Variants in ERCC6L observed in about 807,000 individuals in gnomAD.
The protein encoded by ERCC6L is ERCC excision repair 6 like, spindle assembly checkpoint helicase, also known as DNA excision repair protein ERCC-6-like.
A neutral mutation model predicts 20.1 loss-of-function variants in ERCC6L; 7 were observed. The ratio of observed to expected loss-of-function variants is 0.35; its 90% CI spans 0.20 to 0.65. The LOEUF (loss-of-function observed/expected upper bound fraction) is 0.65, where lower values mean the gene tolerates loss of function less well. Ranked by LOEUF, ERCC6L falls within the 30% of genes least tolerant of loss-of-function variation. ERCC6L has a pLI of 0.69. For synonymous variants in ERCC6L, 278 were observed against 331.3 expected, an observed-to-expected ratio of 0.84 and a Z score of 1.75; for missense variants, 592 against 892.4, an observed-to-expected ratio of 0.66 and a Z score of 4.29.
chrX:72,210,643 G>C (rs767730646), intron 1 of ERCC6L, among the ~76,000 whole-genome samples: 1 of 111,341 alleles, frequency 9.0e-6, no homozygotes, highest in East Asian at 2.8e-4. Context: ...CTCTGGGCCA[G>C]AGTCCCCACT....
At chrX:72,226,664 G>A (rs1017810430) in intron 1 of ERCC6L, among the ~76,000 whole-genome samples, 4 of 111,049 alleles carry the variant, frequency 3.6e-5, no homozygotes, top group East Asian at 5.6e-4. Flanking sequence ...ATAGGAAACC[G>A]TGAGGCTGAG....
intron 1 of ERCC6L, among the ~76,000 whole-genome samples, chrX:72,217,717 A>G (rs1297249468): frequency 9.1e-6 from 1 of 110,004 alleles, no homozygotes; most frequent in Non-Finnish European, 1.9e-5. Flanking sequence ...TACTGAGCAG[A>G]AAAAAAAATA....
chrX:72,209,656 T>C (rs2042841184), intron 1 of ERCC6L, among the ~76,000 whole-genome samples: 1 of 111,456 alleles, frequency 9.0e-6, no homozygotes. Context: ...CACCATCATC[T>C]CTGGCCTGGA....
intron 1 of ERCC6L, among the ~76,000 whole-genome samples, chrX:72,233,408 T>C (rs1461397864): frequency 1.8e-5 from 2 of 111,547 alleles, no homozygotes; most frequent in Non-Finnish European, 3.8e-5. Context: ...TTGTAGACCT[T>C]CTTTGGATCC....
chrX:72,207,796 T>C lies in ERCC6L; in HGVS notation c.971A>G (p.Tyr324Cys), dbSNP rs769270474. ...SENLMAIIKPYFLRRTKEDVQ... is the reference protein window; with the variant it reads ...SENLMAIIKPCFLRRTKEDVQ... ...GTCTTCTTTAGTCCTCCTGAGAAAATAGGGTTTTATGATTGCCATTAAGTT... is the reference window on the plus strand; with the variant it reads ...GTCTTCTTTAGTCCTCCTGAGAAAACAGGGTTTTATGATTGCCATTAAGTT... Residue 324 changes from tyrosine to cysteine, a missense_variant, in exon 2 of 2, where the codon TAT becomes TGT. Tyr to Cys is a radical substitution (Grantham distance 194). Transcript: ENST00000334463. The C allele has an allele frequency of 1.7e-6, 2 of 1,209,965 alleles. No homozygotes were observed. The highest frequency in any genetic ancestry group is 1.8e-5 in the South Asian group (1 of 56,365).
intron 1 of ERCC6L, among the ~76,000 whole-genome samples, chrX:72,223,063 G>A (rs1284411340): frequency 9.5e-6 from 1 of 104,854 alleles, no homozygotes; most frequent in Admixed American, 1.0e-4. Context: ...TCAGCCGGGT[G>A]CAGTGGCTCA....
chrX:72,223,119 G>A (rs2042934193), intron 1 of ERCC6L, among the ~76,000 whole-genome samples: 1 of 99,829 alleles, frequency 1.0e-5, no homozygotes, highest in African/African-American at 3.6e-5. Flanking sequence ...GGCGGATCAC[G>A]AGGTCAAGAG....
At chrX:72,213,618 G>A (rs150911373) in intron 1 of ERCC6L, among the ~76,000 whole-genome samples, 3,862 of 112,127 alleles carry the variant, frequency 0.034, 119 homozygotes, top group African/African-American at 0.1. Flanking sequence ...TGTCCGCTGC[G>A]TTTCTGATAT....
chrX:72,219,615 A>G (rs2042910034), intron 1 of ERCC6L, among the ~76,000 whole-genome samples: 1 of 110,705 alleles, frequency 9.0e-6, no homozygotes, highest in Admixed American at 9.6e-5. Context: ...TGGGAGGCCA[A>G]GGCGGGCAGA....
At chrX:72,236,476 A>C (rs757992569) in intron 1 of ERCC6L, among the ~76,000 whole-genome samples, 40 of 110,886 alleles carry the variant, frequency 3.6e-4, no homozygotes, top group Non-Finnish European at 5.5e-4. Flanking sequence ...TTGTATTTTT[A>C]GTAGAGACGG....
At chrX:72,209,552 C>T (rs2042840534) in intron 1 of ERCC6L, among the ~76,000 whole-genome samples, 1 of 111,634 alleles carries the variant, frequency 9.0e-6, no homozygotes, top group Non-Finnish European at 1.9e-5. Context: ...TTATGCCCCA[C>T]CCCCAGGCCA....
chrX:72,213,507 T>C (rs2042868910), intron 1 of ERCC6L, among the ~76,000 whole-genome samples: 1 of 112,041 alleles, frequency 8.9e-6, no homozygotes. Context: ...CTGGTCTGTG[T>C]TTGTTACGGC....
chrX:72,213,520 G>A (rs868356119), intron 1 of ERCC6L, among the ~76,000 whole-genome samples: 1 of 110,516 alleles, frequency 9.0e-6, no homozygotes, highest in African/African-American at 3.3e-5. Flanking sequence ...GTTACGGCTC[G>A]AGCTGAGCTT....
intron 1 of ERCC6L, among the ~76,000 whole-genome samples, chrX:72,231,993 C>T (rs1224457232): frequency 4.6e-5 from 5 of 109,481 alleles, no homozygotes; most frequent in Admixed American, 2.0e-4. Flanking sequence ...GCAGAAAGAT[C>T]GTTTGAGTCC....
chrX:72,212,060 A>T (rs947610673), intron 1 of ERCC6L, among the ~76,000 whole-genome samples: 16 of 111,042 alleles, frequency 1.4e-4, no homozygotes, highest in African/African-American at 5.2e-4. Context: ...GAATCACCTG[A>T]AGTCAGGAGT....
chrX:72,238,455 T>C (rs2043029901), intron 1 of ERCC6L, among the ~76,000 whole-genome samples: 1 of 111,823 alleles, frequency 8.9e-6, no homozygotes, highest in Non-Finnish European at 1.9e-5. Flanking sequence ...TAGTAATTAT[T>C]GCTTTACAGA....
At chrX:72,219,898 G>C (rs2042913045) in intron 1 of ERCC6L, among the ~76,000 whole-genome samples, 1 of 109,823 alleles carries the variant, frequency 9.1e-6, no homozygotes, top group Non-Finnish European at 1.9e-5. Context: ...ATAATGTGAA[G>C]AGAAGTCGCA....
intron 1 of ERCC6L, among the ~76,000 whole-genome samples, chrX:72,233,070 A>G (rs1353860023): frequency 9.0e-6 from 1 of 111,694 alleles, no homozygotes; most frequent in African/African-American, 3.3e-5. Context: ...GGGAAATGCA[A>G]CTTTGCAAAG....
chrX:72,224,892 A>G (rs1412595677), intron 1 of ERCC6L, among the ~76,000 whole-genome samples: 1 of 111,382 alleles, frequency 9.0e-6, no homozygotes, highest in African/African-American at 3.3e-5. Flanking sequence ...GTGGTCCCAC[A>G]ATATCACCTC....
Sources: allele counts gnomAD v4.1 joint callset (sites outside exome capture counted in the v4.1 genomes callset), GRCh38; gene constraint gnomAD v4.1.1; transcripts MANE v1.5; gene names NCBI Gene and HGNC (gene_info 2026-07-23, HGNC 2026-07-21).